KALRN: variants seen among roughly 807,000 people sequenced by gnomAD.
The protein encoded by KALRN is kalirin RhoGEF kinase.
In KALRN, 70 loss-of-function variants were observed where a neutral mutation model predicts 353.7. The observed-to-expected ratio is 0.20, with a 90% CI of 0.16 to 0.24. The LOEUF (loss-of-function observed/expected upper bound fraction) is 0.24. Ranked by LOEUF, KALRN falls within the 10% of genes least tolerant of loss-of-function variation. The pLI is 1.00. For missense variants in KALRN, 2,791 were observed against 3,756.7 expected (o/e 0.74, Z 6.72); for synonymous variants, 1,391 against 1,434.8 (o/e 0.97, Z 0.69).
intron 1 of KALRN, among the ~76,000 whole-genome samples, chr3:124,218,627 AAC>A (rs1364849393): frequency 6.6e-6 from 1 of 152,220 alleles, no homozygotes; most frequent in Non-Finnish European, 1.5e-5. Flanking sequence ...TTTCAAAACA[AAC>A]ACAGTGGGTG....
chr3:124,202,637 C>T (rs762046222), intron 1 of KALRN, among the ~76,000 whole-genome samples: 3 of 152,048 alleles, frequency 2.0e-5, no homozygotes, highest in Admixed American at 1.3e-4. Context: ...TTTCCTTCAC[C>T]TTCTGTGGGG....
At chr3:124,091,193 G>A (rs1014111599) in intron 1 of KALRN, among the ~76,000 whole-genome samples, 1 of 152,266 alleles carries the variant, frequency 6.6e-6, no homozygotes, top group South Asian at 2.1e-4. Flanking sequence ...TACAACTGAA[G>A]CACAGCTTGC....
chr3:124,258,337 T>A (rs2072333941), intron 3 of KALRN, among the ~76,000 whole-genome samples: 1 of 152,214 alleles, frequency 6.6e-6, no homozygotes, highest in African/African-American at 2.4e-5. Flanking sequence ...GGCCTCTTGG[T>A]TGCTAAGTAC....
intron 10 of KALRN, 112 bp from the exon 11 acceptor site, chr3:124,384,733 G>A: frequency 9.6e-7 from 1 of 1,041,676 alleles, no homozygotes; most frequent in Non-Finnish European, 1.4e-6. Flanking sequence ...CCAGATCAGG[G>A]AGCTGTCAGC....
intron 34 of KALRN, among the ~76,000 whole-genome samples, chr3:124,599,641 G>T (rs1318156240): frequency 6.6e-6 from 1 of 152,174 alleles, no homozygotes; most frequent in Non-Finnish European, 1.5e-5. Context: ...TAACATTTGG[G>T]ACGTTGTACT....
chr3:124,710,433 G>A (rs1579066605), intron 57 of KALRN, among the ~76,000 whole-genome samples: 1 of 152,118 alleles, frequency 6.6e-6, no homozygotes, highest in East Asian at 1.9e-4. Context: ...GCATACTATT[G>A]AGAGTCATAG....
intron 13 of KALRN, among the ~76,000 whole-genome samples, chr3:124,402,684 T>C (rs2091024405): frequency 6.6e-6 from 1 of 152,218 alleles, no homozygotes; most frequent in African/African-American, 2.4e-5. Context: ...CATATAAATA[T>C]TTATTCATTT....
intron 33 of KALRN, among the ~76,000 whole-genome samples, chr3:124,541,509 C>T (rs772733492): frequency 4.6e-5 from 7 of 151,962 alleles, no homozygotes; most frequent in Admixed American, 6.6e-5. Flanking sequence ...TTTATAACCA[C>T]GCAGTTTTAT....
At chr3:124,396,412 C>A (rs776781099) in intron 12 of KALRN, among the ~76,000 whole-genome samples, 10 of 152,202 alleles carry the variant, frequency 6.6e-5, no homozygotes, top group Non-Finnish European at 1.0e-4. Context: ...AACAAGACAG[C>A]CTCTTTTCCT....
chr3:124,623,419 C>CAA (rs1422276649), intron 34 of KALRN, among the ~76,000 whole-genome samples: 10 of 148,776 alleles, frequency 6.7e-5, no homozygotes, highest in Admixed American at 3.4e-4. Flanking sequence ...CACACACACA[C>CAA]ACACACACAA....
chr3:124,202,655 T>C (rs2076058900), intron 1 of KALRN, among the ~76,000 whole-genome samples: 1 of 152,144 alleles, frequency 6.6e-6, no homozygotes, highest in Non-Finnish European at 1.5e-5. Context: ...GGGCTCTCTA[T>C]CCACCCTTCC....
Position 124,605,584 on chromosome 3 carries a change from A to AGAGAGAGAGAGAGAGAG in KALRN, c.5183-26836_5183-26835insGAGAGAGAGAGAGAGAG, listed in dbSNP as rs377624275. On this transcript the variant is annotated intron_variant, in intron 34 of 59. Coordinates refer to ENST00000682506, the MANE Select transcript of KALRN (RefSeq NM_001388419.1). ...TGGGACTCCATCTAAAAAAAAAAAAAAAAGAGAGAGAGAGAATAGGTGCAT... is the reference window on the plus strand; with the variant it reads ...TGGGACTCCATCTAAAAAAAAAAAAAGAGAGAGAGAGAGAGAGAAAGAGAGAGAGAGAATAGGTGCAT... Among the ~76,000 whole-genome samples the AGAGAGAGAGAGAGAGAG allele has an allele frequency of 3.8e-3, 501 of 132,174 alleles. 2 individuals are homozygous for AGAGAGAGAGAGAGAGAG. Among genetic ancestry groups the AGAGAGAGAGAGAGAGAG allele is most frequent in the African/African-American group, 0.016 (471 of 29,214 alleles). 86.7% of individuals were successfully genotyped at this position (132,174 alleles called of 152,430 possible).
chr3:124,328,743 A>T (rs2080192964), intron 7 of KALRN, among the ~76,000 whole-genome samples: 1 of 152,246 alleles, frequency 6.6e-6, no homozygotes, highest in Non-Finnish European at 1.5e-5. Flanking sequence ...TTGCTGTACC[A>T]GAACTGAGAA....
intron 34 of KALRN, among the ~76,000 whole-genome samples, chr3:124,594,101 C>T (rs575575462): frequency 1.3e-5 from 2 of 152,316 alleles, no homozygotes; most frequent in Admixed American, 6.5e-5. Context: ...ACAACCACTA[C>T]CTAATCACTT....
At chr3:124,096,896 A>T (rs2061486761) in intron 1 of KALRN, among the ~76,000 whole-genome samples, 1 of 152,236 alleles carries the variant, frequency 6.6e-6, no homozygotes, top group Admixed American at 6.5e-5. Flanking sequence ...TGGATAGCAA[A>T]AGCTGGTTGC....
intron 1 of KALRN, among the ~76,000 whole-genome samples, chr3:124,157,079 A>G (rs980015218): frequency 2.0e-5 from 3 of 152,258 alleles, no homozygotes; most frequent in African/African-American, 7.2e-5. Flanking sequence ...GAGATATTAG[A>G]TGCCATTAGT....
At chr3:124,484,947 T>A (rs1423834456) in intron 28 of KALRN, among the ~76,000 whole-genome samples, 1 of 151,914 alleles carries the variant, frequency 6.6e-6, no homozygotes, top group Non-Finnish European at 1.5e-5. Context: ...CTACAAAAAA[T>A]TAGCTGGGCA....
chr3:124,539,962 T>G, intron 33 of KALRN, among the ~76,000 whole-genome samples: 1 of 151,502 alleles, frequency 6.6e-6, no homozygotes, highest in Admixed American at 6.6e-5. Flanking sequence ...CAGGCTGGAG[T>G]GCAGTGGCAT....
intron 11 of KALRN, among the ~76,000 whole-genome samples, chr3:124,390,933 T>C (rs978699967): frequency 4.6e-5 from 7 of 152,092 alleles, no homozygotes; most frequent in African/African-American, 1.7e-4. Context: ...AGAGGGTCTG[T>C]GGGCTGGCCC....
Sources: gnomAD v4.1 joint callset for allele counts (sites outside exome capture counted in the v4.1 genomes callset) on GRCh38, gnomAD v4.1.1 for gene constraint, MANE v1.5 for transcripts, NCBI Gene and HGNC (gene_info 2026-07-23, HGNC 2026-07-21) for gene names.